NR1I3: variants seen among roughly 807,000 people sequenced by gnomAD.
NR1I3 encodes nuclear receptor subfamily 1 group I member 3.
Under a neutral mutation model 38.4 loss-of-function variants are expected in NR1I3, and 30 were observed. That is an observed-to-expected ratio of 0.78 (90% CI 0.58 to 1.06). NR1I3 has a LOEUF of 1.06. NR1I3 is among the 50% of genes least tolerant of loss of function. The pLI is 0.00. For synonymous variants in NR1I3, 143 were observed against 165.1 expected (o/e 0.87, Z 1.03); for missense variants, 388 against 435.7 (o/e 0.89, Z 0.97).
chr1:161,234,684 G>A (rs1558121775), intron 3 of NR1I3, among the ~76,000 whole-genome samples: 1 of 152,138 alleles, frequency 6.6e-6, no homozygotes. Context: ...GGGATTAGAG[G>A]TGTGAGCCAC....
rs1238191155 is a variant in NR1I3, at chr1:161,236,477, C to G, written c.89G>C (p.Gly30Ala). 4.3e-6 allele frequency: 7 copies of G among 1,614,042 alleles called. No homozygotes were observed. Among genetic ancestry groups the G allele is most frequent in the African/African-American group, 1.3e-5 (1 of 74,900 alleles). ...CTCTCACCTGAAGAAACCCTTGCAG[C>G]CCTCACAAGTCAGCGCATTAAAGTG... ...GYHFNALTCEGCKGFFRRTVS... is the reference protein window; with the variant it reads ...GYHFNALTCEACKGFFRRTVS... Residue 30 changes from glycine to alanine, a missense_variant, in exon 2 of 9, where the codon GGC becomes GCC. Transcript: ENST00000367983.
chr1:161,236,171 T>G (rs545503686), intron 2 of NR1I3, 194 bp from the exon 3 acceptor site: 11 of 678,024 alleles, frequency 1.6e-5, no homozygotes, highest in Non-Finnish European at 2.7e-5. Context: ...CCAGAAAGCC[T>G]AGTTGATGTA....
rs186170058 is a variant in NR1I3, at chr1:161,230,312, G to A, written c.918-386C>T. 28 of 290,394 alleles carry A rather than the reference G, an allele frequency of 9.6e-5. No homozygotes were observed. The East Asian group carries it at 2.1e-3, about 22-fold the overall frequency. 18.0% of individuals were successfully genotyped at this position (290,394 alleles called of 1,614,324 possible). A position where few individuals can be genotyped will look rare whatever the true frequency, so the allele number is the denominator to read the frequency against. ...TGGCCAAACTAGCTCTTGGAGGAAC[G>A]AGCAAAACAGAAGCGGTGCATACCT... On this transcript the variant is annotated intron_variant, in intron 8 of 8. Transcript: ENST00000367983.
At chr1:161,230,100 G>A in intron 8 of NR1I3, 174 bp from the exon 9 acceptor site, 1 of 720,462 alleles carries the variant, frequency 1.4e-6, no homozygotes, top group Non-Finnish European at 2.2e-6. Flanking sequence ...GTCCTCCAGG[G>A]GGCCTCGGTC....
chr1:161,237,396 G>T (rs1000692194), intron 1 of NR1I3, among the ~76,000 whole-genome samples: 2 of 151,626 alleles, frequency 1.3e-5, no homozygotes, highest in Non-Finnish European at 1.5e-5. Flanking sequence ...TAGAGATGGG[G>T]TTTCACCATA....
Position 161,231,216 on chromosome 1 carries a change from ACT to A in NR1I3, c.710_711del (p.Glu237ValfsTer21). The A allele has an allele frequency of 6.2e-7, 1 of 1,613,832 alleles. No homozygotes were observed. The highest frequency in any genetic ancestry group is 1.1e-5 in the South Asian group (1 of 91,066). Reference protein sequence around the residue: ...EDGARVGFQVEFLELLFHFHG... With the variant: ...EDGARVGFQVXFLELLFHFHG... ...TGGAAGTGAAAGAGCAACTCCAAAA[ACT>A]CTACCTGGAACCCCACTGTGGGAGA... On this transcript the variant is annotated frameshift_variant, in exon 7 of 9. Transcript: ENST00000367983. LOFTEE classifies it high-confidence loss of function.
At chr1:161,236,000 T>C in intron 2 of NR1I3, 23 bp from the exon 3 acceptor site, 1 of 1,566,998 alleles carries the variant, frequency 6.4e-7, no homozygotes, top group Non-Finnish European at 8.6e-7. Flanking sequence ...GAGATGTTGT[T>C]AGAGTCTGGG....
At chr1:161,233,837 ATGTGTGTGTGTGTGTGTGTG>A (rs761756944) in intron 3 of NR1I3, among the ~76,000 whole-genome samples, 21 of 118,572 alleles carry the variant, frequency 1.8e-4, no homozygotes, top group Admixed American at 4.3e-4. Context: ...TCATATATAT[ATGTGTGTGTGTGTGTGTGTG>A]TGTGTGTGTG....
At chr1:161,231,746 C>G (rs1223998871) in intron 5 of NR1I3, among the ~76,000 whole-genome samples, 1 of 152,134 alleles carries the variant, frequency 6.6e-6, no homozygotes, top group Non-Finnish European at 1.5e-5. Context: ...AGGTGATCCA[C>G]CTGCCTTGAC....
chr1:161,236,744 T>TTTTTC, intron 1 of NR1I3, 146 bp from the exon 2 acceptor site: 1 of 822,616 alleles, frequency 1.2e-6, no homozygotes. Flanking sequence ...TTTCTTTTTC[T>TTTTTC]TTTTCTTTTT....
rs1446699667 is a variant in NR1I3 at position 161,231,594 on chromosome 1, G to T, written c.549-120C>A. 8 of 985,768 alleles carry T rather than the reference G, an allele frequency of 8.1e-6. No individual in the cohort carries two copies. The African/African-American group carries it at 1.2e-4, about 14-fold the overall frequency. The allele number at this position is 985,768 out of a possible 1,614,324, so 61.1% of individuals were successfully genotyped here. ...CTGCTCACTGTAACCTCTGCCTCCT[G>T]GGTTCAAGCAATTCTCCTGCCTCAG... is the stretch of plus-strand genomic sequence containing the variant. On this transcript the variant is annotated intron_variant, in intron 5 of 8. Transcript: ENST00000367983.
At position 161,238,101 on chromosome 1, in the gene NR1I3, C is replaced by G. The variant is rs746849019; in HGVS notation, c.-94G>C. 2 of 1,612,900 alleles carry G rather than the reference C, an allele frequency of 1.2e-6. No homozygotes were observed. Among genetic ancestry groups the G allele is most frequent in the Non-Finnish European group, 1.7e-6 (2 of 1,178,950 alleles). On this transcript the variant is annotated 5_prime_UTR_variant, in exon 1 of 9. Coordinates refer to ENST00000367983, the MANE Select transcript of NR1I3 (RefSeq NM_005122.5). ...CAGAATCTGGTATGGAATGCCTCTC[C>G]CCAAACTCCCACGCTGTTGCTGGTT...
chr1:161,230,266 T>C, intron 8 of NR1I3: 1 of 347,286 alleles, frequency 2.9e-6, no homozygotes, highest in Non-Finnish European at 5.3e-6. Flanking sequence ...ATGTGTTCTA[T>C]GGTATAAAGC....
rs192329257 is a variant in NR1I3, at chr1:161,230,795, C to T, written c.917+18G>A. The T allele has an allele frequency of 5.2e-4, 838 of 1,613,980 alleles. 2 individuals carry two copies. The East Asian group carries it at 0.01, about 20-fold the overall frequency. Reference sequence around the variant, plus strand: ...CCTGCCCTGGTGTGGCCTCCAAGCCCTCAGTGTCCCACCGTACCGATCCCG... The same window carrying T: ...CCTGCCCTGGTGTGGCCTCCAAGCCTTCAGTGTCCCACCGTACCGATCCCG... On this transcript the variant is annotated intron_variant, in intron 8 of 8. Transcript: ENST00000367983.
In NR1I3 at chr1:161,230,929, G is replaced by C. The variant is rs963877961; in HGVS notation, c.812-11C>G. ...TAACTCCAGGTCGGTCTGTAAGATA[G>C]GGAGCTGGGAAGGACAAGTTGGGTG... On this transcript the variant is annotated splice_polypyrimidine_tract_variant and intron_variant, in intron 7 of 8. Coordinates refer to ENST00000367983, the MANE Select transcript of NR1I3 (RefSeq NM_005122.5). 4 of 1,613,910 alleles carry C rather than the reference G, an allele frequency of 2.5e-6. No homozygotes were observed. The highest frequency in any genetic ancestry group is 3.4e-6 in the Non-Finnish European group (4 of 1,179,960).
chr1:161,230,927 T>G lies in NR1I3; in HGVS notation c.812-9A>C. ...GGTAACTCCAGGTCGGTCTGTAAGA[T>G]AGGGAGCTGGGAAGGACAAGTTGGG... On this transcript the variant is annotated splice_polypyrimidine_tract_variant and intron_variant, in intron 7 of 8. Coordinates refer to ENST00000367983, the MANE Select transcript of NR1I3 (RefSeq NM_005122.5). 1 of 1,614,038 alleles carries G rather than the reference T, an allele frequency of 6.2e-7. No homozygotes were observed.
At position 161,238,159 on chromosome 1, in the gene NR1I3, A is replaced by C; in HGVS notation, c.-152T>G. On this transcript the variant is annotated 5_prime_UTR_variant, in exon 1 of 9. Coordinates refer to ENST00000367983, the MANE Select transcript of NR1I3 (RefSeq NM_005122.5). ...GATCTCAGGAGTTGCCAGTGATTGG[A>C]GTTAGGGATTATGACCCGTAGTATC... The C allele has an allele frequency of 6.3e-7, 1 of 1,593,252 alleles. No individual in the cohort carries two copies.
In NR1I3 at chr1:161,231,390, A is replaced by G; in HGVS notation, c.633T>C (p.Cys211=). 1.3e-6 allele frequency: 2 copies of G among 1,563,846 alleles called. No homozygotes were observed. Among genetic ancestry groups the G allele is most frequent in the Non-Finnish European group, 1.7e-6 (2 of 1,159,062 alleles). Residue 211 remains cysteine (C), a synonymous_variant, in exon 6 of 9, where the codon TGT becomes TGC. Transcript: ENST00000367983. ...CGCAGAGGAAGTTTTGTGTTTGGAG[A>G]CAGAAAGTGGTATTGAGTACGATGT... The part of the protein sequence containing the change: ...ICHIVLNTTF[C]LQTQNFLCGP...
chr1:161,230,158 T>C, intron 8 of NR1I3: 1 of 520,294 alleles, frequency 1.9e-6, no homozygotes. Context: ...AACCCAGAGC[T>C]CTGAGAGCCG....
Sources: gnomAD v4.1 joint callset for allele counts (sites outside exome capture counted in the v4.1 genomes callset) on GRCh38, gnomAD v4.1.1 for gene constraint, MANE v1.5 for transcripts, NCBI Gene and HGNC (gene_info 2026-07-23, HGNC 2026-07-21) for gene names.